Variants in USP6 observed in about 807,000 individuals in gnomAD.
USP6 encodes ubiquitin specific peptidase 6.
Under a neutral mutation model 175.7 loss-of-function variants are expected in USP6, and 128 were observed. The observed-to-expected ratio is 0.73, with a 90% confidence interval of 0.63 to 0.84. The LOEUF (loss-of-function observed/expected upper bound fraction) is 0.84. USP6 is among the 40% of genes least tolerant of loss of function. The pLI, the probability that USP6 is intolerant of heterozygous loss-of-function variation, is 0.00. For missense variants in USP6, 1,498 were observed against 1,760.3 expected, an observed-to-expected ratio of 0.85 and a Z score of 2.67; for synonymous variants, 562 against 630.6, an observed-to-expected ratio of 0.89 and a Z score of 1.63.
At position 5,139,249 on chromosome 17, in the gene USP6, T is replaced by C. The variant is rs1474663655; in HGVS notation, c.1079-6T>C. 8 of 1,600,338 alleles carry C rather than the reference T, an allele frequency of 5.0e-6. No homozygotes were observed. Among genetic ancestry groups the C allele is most frequent in the Non-Finnish European group, 5.9e-6 (7 of 1,179,954 alleles). On this transcript the variant is annotated splice_region_variant and splice_polypyrimidine_tract_variant and intron_variant, in intron 21 of 37. Transcript: ENST00000574788. ...GAGATGCTGACCACGTCTGTTTTCCTTTCAGCCAAACGCGAGCAAGGGTCC... is the reference window on the plus strand; with the variant it reads ...GAGATGCTGACCACGTCTGTTTTCCCTTCAGCCAAACGCGAGCAAGGGTCC...
At chr17:5,122,337 C>T (rs2072702658) in intron 4 of USP6, among the ~76,000 whole-genome samples, 1 of 152,074 alleles carries the variant, frequency 6.6e-6, no homozygotes, top group Non-Finnish European at 1.5e-5. Flanking sequence ...GTGGTGACAC[C>T]ATCAGCCACA....
At chr17:5,148,277 TTGTG>T (rs2073666831) in intron 29 of USP6, among the ~76,000 whole-genome samples, 1 of 152,224 alleles carries the variant, frequency 6.6e-6, no homozygotes, top group Admixed American at 6.5e-5. Context: ...GTAGAACTGT[TTGTG>T]TGCTACAACA....
chr17:5,134,942 G>T, intron 15 of USP6: 2 of 388,284 alleles, frequency 5.2e-6, no homozygotes, highest in Non-Finnish European at 9.9e-6. Flanking sequence ...CATTGGTTTG[G>T]AACCATGGAG....
chr17:5,170,408 A>C (rs2074188140), intron 35 of USP6, 71 bp from the exon 36 acceptor site: 1 of 1,537,256 alleles, frequency 6.5e-7, no homozygotes, highest in Non-Finnish European at 8.8e-7. Flanking sequence ...CTAACCTCGG[A>C]GTTAGCATTT....
chr17:5,140,327 G>A (rs1357190016), intron 22 of USP6, among the ~76,000 whole-genome samples: 1 of 152,160 alleles, frequency 6.6e-6, no homozygotes, highest in Non-Finnish European at 1.5e-5. Flanking sequence ...CAATTTGAGA[G>A]GTCGAGGCGG....
intron 21 of USP6, 109 bp from the exon 22 acceptor site, chr17:5,139,146 G>A: frequency 1.3e-6 from 2 of 1,597,886 alleles, no homozygotes; most frequent in Non-Finnish European, 1.7e-6. Flanking sequence ...AGACCACAGG[G>A]GCCACACAGA....
chr17:5,143,159 C>T lies in USP6; in HGVS notation c.1818+657C>T, dbSNP rs564766044. 1.2e-4 allele frequency among the ~76,000 whole-genome samples: 19 copies of T among 152,320 alleles called. 1 individual carries two copies. The South Asian group carries it at 3.3e-3, about 27-fold the overall frequency. ...GGGGTCAGCCCCCTGCCCGGCCAGC[C>T]GCCCCGTCCGGGAGGTGAGGGGCGC... is the stretch of plus-strand genomic sequence containing the variant. On this transcript the variant is annotated intron_variant, in intron 25 of 37. Coordinates refer to ENST00000574788, the MANE Select transcript of USP6 (RefSeq NM_001304284.2).
chr17:5,168,734 T>C (rs1256074439), intron 34 of USP6, 33 bp from the exon 35 acceptor site: 1 of 1,534,454 alleles, frequency 6.5e-7, no homozygotes, highest in African/African-American at 1.4e-5. Context: ...TCAGAACCCT[T>C]TAATGCGATG....
At chr17:5,125,720 ACACT>A (rs1420745544) in intron 5 of USP6, 97 bp from the exon 6 acceptor site, 1 of 137,836 alleles carries the variant, frequency 7.3e-6, no homozygotes, top group Non-Finnish European at 1.6e-5. Flanking sequence ...ACACACACAC[ACACT>A]GTGTTTCATG....
intron 31 of USP6, among the ~76,000 whole-genome samples, chr17:5,159,729 G>A (rs2144108259): frequency 6.6e-6 from 1 of 152,272 alleles, no homozygotes; most frequent in South Asian, 2.1e-4. Flanking sequence ...TTAGGAGGCT[G>A]AGGCAGGAGG....
At chr17:5,167,842 G>T (rs1171009276) in intron 33 of USP6, 90 bp from the exon 34 acceptor site, 1 of 1,447,088 alleles carries the variant, frequency 6.9e-7, no homozygotes, top group Non-Finnish European at 9.4e-7. Context: ...GTAAAATAAG[G>T]GTGAGTGACC....
intron 20 of USP6, 137 bp from the exon 21 acceptor site, chr17:5,137,984 T>G: frequency 6.5e-7 from 1 of 1,542,394 alleles, no homozygotes; most frequent in South Asian, 1.2e-5. Context: ...AGCCACAGTC[T>G]CCTGTGTACA....
rs71151842 is a variant in USP6 at position 5,125,678 on chromosome 17, G to GCACACACACACACACACA, written c.-591-115_-591-98dup. 1.3e-3 allele frequency: 178 copies of GCACACACACACACACACA among 137,666 alleles called. 1 individual carries two copies. The highest frequency in any genetic ancestry group is 4.7e-3 in the African/African-American group (165 of 35,302). The allele number at this position is 137,666 out of a possible 1,614,324, so 8.5% of individuals were successfully genotyped here. On this transcript the variant is annotated intron_variant, in intron 5 of 37. Transcript: ENST00000574788. Reference sequence around the variant, plus strand: ...CACAAACACGCACACACACGCACATGCACACACACACACACACACACACAC... The same window carrying GCACACACACACACACACA: ...CACAAACACGCACACACACGCACATGCACACACACACACACACACACACACACACACACACACACACAC...
At chr17:5,124,059 C>T (rs936353825) in intron 4 of USP6, among the ~76,000 whole-genome samples, 5 of 152,194 alleles carry the variant, frequency 3.3e-5, no homozygotes, top group Non-Finnish European at 7.3e-5. Context: ...AGTCACACTC[C>T]TAGGCATGTG....
chr17:5,129,572 T>A (rs2072996349), intron 8 of USP6: 1 of 152,340 alleles, frequency 6.6e-6, no homozygotes, highest in South Asian at 2.1e-4. Context: ...CCCAAGTATT[T>A]CTTATTCTGT....
rs752999007 is a variant in USP6 at position 5,133,922 on chromosome 17, C to T, written c.420C>T (p.His140=). The change falls in exon 15 of 38, where the codon CAC becomes CAT. Residue 140 remains histidine (H), a synonymous_variant. Transcript: ENST00000574788. ...AGAGGGGCAAGAGGTCATCTGAACA[C>T]ATCCACCACATCGACCTGGACGTGA... ...MKERGKRSSE[H]IHHIDLDVRT... is the part of the protein sequence containing the mutation. 6.2e-7 allele frequency: 1 copy of T among 1,614,190 alleles called. No homozygotes were observed. Among genetic ancestry groups the T allele is most frequent in the Non-Finnish European group, 8.5e-7 (1 of 1,180,020 alleles).
At chr17:5,144,119 C>T (rs2143980550) in intron 25 of USP6, among the ~76,000 whole-genome samples, 1 of 152,180 alleles carries the variant, frequency 6.6e-6, no homozygotes, top group South Asian at 2.1e-4. Flanking sequence ...TCTTGCCAGG[C>T]ACTATTCTAA....
In USP6 at chr17:5,148,730, C is replaced by T. The variant is rs1444995069; in HGVS notation, c.2606C>T (p.Pro869Leu). Residue 869 changes from proline (P) to leucine (L), a missense_variant, in exon 30 of 38, where the codon CCC (proline) becomes CTC (leucine). Around this residue, in one of 2 missense-constraint regions of USP6, gnomAD observed 1,217 missense variants for 1,500.8 expected, o/e 0.81. Transcript: ENST00000574788. ...CACATGCCATCTCTTCCTGACAGCC[C>T]CTTTACAGGTTACATCATTGCAGTC... ...NGHMPSLPDS[P>L]FTGYIIAVHR... 3 of 1,613,580 alleles carry T rather than the reference C, an allele frequency of 1.9e-6. No homozygotes were observed. The highest frequency in any genetic ancestry group is 1.1e-5 in the South Asian group (1 of 91,042).
Position 5,142,105 on chromosome 17 carries a change from A to C in USP6, c.1676A>C (p.Tyr559Ser), listed in dbSNP as rs767211987. Residue 559 changes from tyrosine to serine, a missense_variant, in exon 24 of 38, where the codon TAT (tyrosine) becomes TCT (serine). Physicochemically the swap from Tyr to Ser is moderately radical, Grantham distance 144. Around this residue, in one of 2 missense-constraint regions of USP6, gnomAD observed 1,217 missense variants for 1,500.8 expected, o/e 0.81. Transcript: ENST00000574788. ...AGTAACACACAGCCACTGACACAGT[A>C]TTTTATCTCAGGGAGACATCTTTAT... ...CVSNTQPLTQ[Y>S]FISGRHLYEL... 6.2e-6 allele frequency: 10 copies of C among 1,613,622 alleles called. No individual in the cohort carries two copies. In the South Asian group the frequency reaches 1.1e-4, roughly 18 times the overall value.
Sources: gnomAD v4.1 joint callset for allele counts (sites outside exome capture counted in the v4.1 genomes callset) on GRCh38, gnomAD v4.1.1 for gene constraint, gnomAD v4.1.1 regional missense constraint, MANE v1.5 for transcripts, NCBI Gene and HGNC (gene_info 2026-07-23, HGNC 2026-07-21) for gene names.